Variants in RAPGEF5 observed in about 807,000 individuals in gnomAD.
RAPGEF5 encodes Rap guanine nucleotide exchange factor 5, also known as M-Ras-regulated GEF.
A neutral mutation model predicts 125.2 loss-of-function variants in RAPGEF5; 65 were observed. The ratio of observed to expected loss-of-function variants is 0.52; its 90% CI spans 0.43 to 0.64. The LOEUF (loss-of-function observed/expected upper bound fraction) is 0.64, where lower values mean the gene tolerates loss of function less well. Among genes scored for constraint, RAPGEF5 ranks in the 30% least tolerant of loss-of-function variants. The pLI is 0.00. For missense variants in RAPGEF5, 958 were observed against 1,048.1 expected (o/e 0.91, Z 1.19); for synonymous variants, 391 against 385.9 (o/e 1.01, Z -0.16).
chr7:22,136,011 A>C, intron 23 of RAPGEF5, 27 bp downstream of exon 23: 2 of 1,522,534 alleles, frequency 1.3e-6, no homozygotes, highest in Non-Finnish European at 9.0e-7. Flanking sequence ...ATGAAATTAC[A>C]TGGCATAAAA....
At chr7:22,311,236 T>G (rs1208800089) in intron 3 of RAPGEF5, among the ~76,000 whole-genome samples, 1 of 152,138 alleles carries the variant, frequency 6.6e-6, no homozygotes, top group African/African-American at 2.4e-5. Context: ...CAGACTGGTC[T>G]CAAACTCCTG....
chr7:22,230,831 C>T lies in RAPGEF5; in HGVS notation c.870+15G>A, dbSNP rs936624875. 2 of 1,559,956 alleles carry T rather than the reference C, an allele frequency of 1.3e-6. No homozygotes were observed. Among genetic ancestry groups the T allele is most frequent in the Non-Finnish European group, 1.7e-6 (2 of 1,149,216 alleles). ...AGAAGGGTATGATGAGGGGCTGTCA[C>T]AGAATTGATCATACCTGAGAATCTG... On this transcript the variant is annotated intron_variant, in intron 8 of 25. Transcript: ENST00000665637.
rs567279464 is a variant in RAPGEF5, at chr7:22,179,520, G to A, written c.1205-12372C>T. ...ATGTCAGAGGCATTTGAGCCAGAGT[G>A]ACTCCATCTTGAATAGGGGCTGGGT... On this transcript the variant is annotated intron_variant, in intron 11 of 25. Coordinates refer to ENST00000665637, the MANE Select transcript of RAPGEF5 (RefSeq NM_012294.5). Among the ~76,000 whole-genome samples the A allele has an allele frequency of 2.2e-3, 342 of 152,220 alleles. 1 individual carries two copies. The highest frequency in any genetic ancestry group is 7.8e-3 in the African/African-American group (323 of 41,538).
chr7:22,282,785 A>T (rs1782703508), intron 6 of RAPGEF5, among the ~76,000 whole-genome samples: 1 of 152,218 alleles, frequency 6.6e-6, no homozygotes, highest in African/African-American at 2.4e-5. Context: ...TGCATTAACA[A>T]CTGCAAACAA....
chr7:22,329,941 C>T (rs1783882681), intron 1 of RAPGEF5, among the ~76,000 whole-genome samples: 1 of 152,196 alleles, frequency 6.6e-6, no homozygotes, highest in South Asian at 2.1e-4. Flanking sequence ...TCAGGGTCAG[C>T]AACTTAACTC....
intron 13 of RAPGEF5, 68 bp from the exon 14 acceptor site, chr7:22,160,683 C>G: frequency 7.0e-7 from 1 of 1,430,192 alleles, no homozygotes; most frequent in East Asian, 2.7e-5. Flanking sequence ...AGACTCATAC[C>G]ATGGCTATCC....
intron 3 of RAPGEF5, among the ~76,000 whole-genome samples, chr7:22,313,732 CTG>C (rs1783526349): frequency 1.3e-5 from 2 of 152,238 alleles, no homozygotes. Flanking sequence ...AAAATGAATA[CTG>C]TGAGCTTGCT....
At chr7:22,322,144 T>C (rs1328306200) in intron 1 of RAPGEF5, among the ~76,000 whole-genome samples, 2 of 151,422 alleles carry the variant, frequency 1.3e-5, no homozygotes, top group African/African-American at 4.8e-5. Context: ...TCTTTTTCTT[T>C]TTTTTTTTTG....
chr7:22,303,334 T>G (rs1768784916), intron 5 of RAPGEF5, among the ~76,000 whole-genome samples: 1 of 152,242 alleles, frequency 6.6e-6, no homozygotes, highest in Non-Finnish European at 1.5e-5. Flanking sequence ...CACTTTTTTT[T>G]TCTAATTATC....
At chr7:22,340,291 C>T (rs1265162026) in intron 1 of RAPGEF5, among the ~76,000 whole-genome samples, 2 of 152,088 alleles carry the variant, frequency 1.3e-5, no homozygotes, top group African/African-American at 4.8e-5. Context: ...GAGAAAAGCT[C>T]GGGAGAGGAG....
chr7:22,136,593 G>A (rs73685000), intron 22 of RAPGEF5, among the ~76,000 whole-genome samples: 3,383 of 152,042 alleles, frequency 0.022, 112 homozygotes, highest in African/African-American at 0.078. Flanking sequence ...ATTGTAAAAA[G>A]GAGAAAAGGG....
At chr7:22,258,808 T>C (rs1381977483) in intron 7 of RAPGEF5, among the ~76,000 whole-genome samples, 1 of 151,630 alleles carries the variant, frequency 6.6e-6, no homozygotes, top group Admixed American at 6.6e-5. Flanking sequence ...ATGCAAAAGA[T>C]AAAATAAAAT....
intron 3 of RAPGEF5, among the ~76,000 whole-genome samples, chr7:22,310,958 A>C (rs2128153153): frequency 6.6e-6 from 1 of 152,220 alleles, no homozygotes; most frequent in Admixed American, 6.5e-5. Context: ...AAAAAGAAAA[A>C]CTTCTGAAGT....
intron 7 of RAPGEF5, among the ~76,000 whole-genome samples, chr7:22,265,752 G>T (rs1339538957): frequency 6.6e-6 from 1 of 152,010 alleles, no homozygotes; most frequent in African/African-American, 2.4e-5. Flanking sequence ...TATTTTTTGT[G>T]TTTTTGATAA....
intron 7 of RAPGEF5, among the ~76,000 whole-genome samples, chr7:22,231,151 T>A (rs1244433987): frequency 1.3e-5 from 2 of 152,198 alleles, no homozygotes; most frequent in African/African-American, 4.8e-5. Flanking sequence ...TCAATCTTAA[T>A]TCTGTTCTTC....
intron 11 of RAPGEF5, among the ~76,000 whole-genome samples, chr7:22,191,897 A>T (rs1785008277): frequency 6.6e-6 from 1 of 152,260 alleles, no homozygotes; most frequent in Admixed American, 6.5e-5. Flanking sequence ...AATGTGACCC[A>T]GACACAAAGT....
At chr7:22,168,583 T>A (rs745585260) in intron 11 of RAPGEF5, among the ~76,000 whole-genome samples, 1 of 152,218 alleles carries the variant, frequency 6.6e-6, no homozygotes, top group Non-Finnish European at 1.5e-5. Context: ...TAGCTCTACA[T>A]TGAAGACTGG....
chr7:22,348,797 A>G (rs1784273644), intron 1 of RAPGEF5, among the ~76,000 whole-genome samples: 1 of 152,238 alleles, frequency 6.6e-6, no homozygotes, highest in African/African-American at 2.4e-5. Flanking sequence ...ACTTAGATAT[A>G]AGTGATGGAT....
chr7:22,356,569 C>G (rs1335346579), intron 1 of RAPGEF5: 1 of 171,502 alleles, frequency 5.8e-6, no homozygotes, highest in Non-Finnish European at 1.2e-5. Flanking sequence ...TGCCCGGTCC[C>G]GCAGCCTGAA....
Sources: allele counts gnomAD v4.1 joint callset (sites outside exome capture counted in the v4.1 genomes callset), GRCh38; gene constraint gnomAD v4.1.1; transcripts MANE v1.5; gene names NCBI Gene and HGNC (gene_info 2026-07-23, HGNC 2026-07-21).